TEC: variants seen among roughly 807,000 people sequenced by gnomAD.
TEC encodes tec protein tyrosine kinase.
In TEC, 72 loss-of-function variants were observed where a neutral mutation model predicts 93.0. That is an observed-to-expected ratio of 0.77 (90% CI 0.64 to 0.94). The LOEUF (loss-of-function observed/expected upper bound fraction) is 0.94. Among genes scored for constraint, TEC ranks in the 40% least tolerant of loss-of-function variants. The pLI is 0.00. For synonymous variants in TEC, 249 were observed against 247.7 expected, an observed-to-expected ratio of 1.01 and a Z score of -0.05; for missense variants, 630 against 757.9, an observed-to-expected ratio of 0.83 and a Z score of 1.98.
chr4:48,235,682 T>C (rs1377031593), intron 1 of TEC, among the ~76,000 whole-genome samples: 2 of 152,140 alleles, frequency 1.3e-5, no homozygotes, highest in East Asian at 3.9e-4. Context: ...ATCAGTGAAA[T>C]CCGGAGGAAT....
rs1404501778 is a variant in TEC, at chr4:48,149,538, G to A, written c.1006+19C>T. ...AATCACTACCTTATATTTGAAGTAG[G>A]TTTTCACAGCTCACTTACCTGCTGC... On this transcript the variant is annotated intron_variant, in intron 11 of 17. Coordinates refer to ENST00000381501, the MANE Select transcript of TEC (RefSeq NM_003215.3). 2.5e-6 allele frequency: 4 copies of A among 1,577,170 alleles called. No homozygotes were observed. The highest frequency in any genetic ancestry group is 3.9e-5 in the Admixed American group (2 of 51,794).
At chr4:48,260,555 G>A (rs1472816763) in intron 1 of TEC, among the ~76,000 whole-genome samples, 1 of 151,956 alleles carries the variant, frequency 6.6e-6, no homozygotes, top group Non-Finnish European at 1.5e-5. Context: ...AATCTATGGT[G>A]ATGGCACCAC....
Position 48,240,139 on chromosome 4 carries a change from G to A in TEC, c.-45-11480C>T, listed in dbSNP as rs201813266. On this transcript the variant is annotated intron_variant, in intron 1 of 17. Transcript: ENST00000381501. ...GGAAGAGTATAGACAAAATAAAATT[G>A]TTCATGAGTTGATAACTATTGAAGT... 2.6e-4 allele frequency among the ~76,000 whole-genome samples: 39 copies of A among 152,186 alleles called. No homozygotes were observed. The East Asian group carries it at 2.7e-3, about 11-fold the overall frequency.
At chr4:48,212,110 A>AAAAAAAAAAAAAAAAT in intron 2 of TEC, among the ~76,000 whole-genome samples, 29 of 122,248 alleles carry the variant, frequency 2.4e-4, no homozygotes, top group East Asian at 1.8e-3. Context: ...AAAAAAAAAA[A>AAAAAAAAAAAAAAAAT]ATATATATAT....
chr4:48,209,523 G>A (rs1325763770), intron 2 of TEC, among the ~76,000 whole-genome samples: 1 of 152,152 alleles, frequency 6.6e-6, no homozygotes, highest in Admixed American at 6.5e-5. Flanking sequence ...TGAGGTGGGA[G>A]GATGGCCTGA....
intron 7 of TEC, among the ~76,000 whole-genome samples, chr4:48,165,518 A>G (rs560391957): frequency 1.3e-5 from 2 of 152,336 alleles, no homozygotes; most frequent in South Asian, 2.1e-4. Context: ...GTAAATACCA[A>G]TGAAGAACTT....
At chr4:48,171,198 T>C (rs1272202028) in intron 4 of TEC, among the ~76,000 whole-genome samples, 170 bp downstream of exon 4, 1 of 152,250 alleles carries the variant, frequency 6.6e-6, no homozygotes, top group Non-Finnish European at 1.5e-5. Context: ...AGGAAAGTTA[T>C]CTTCAATATG....
intron 2 of TEC, among the ~76,000 whole-genome samples, chr4:48,183,501 G>A (rs1362353363): frequency 1.3e-5 from 2 of 152,198 alleles, no homozygotes; most frequent in South Asian, 2.1e-4. Context: ...ATCCGATGAG[G>A]GGGCAAATAG....
chr4:48,227,304 T>C (rs1256206581), intron 2 of TEC, among the ~76,000 whole-genome samples: 1 of 151,748 alleles, frequency 6.6e-6, no homozygotes. Flanking sequence ...AAAATACAAC[T>C]AAATCAACGT....
intron 1 of TEC, among the ~76,000 whole-genome samples, chr4:48,234,833 G>C (rs1481855586): frequency 1.3e-5 from 2 of 152,146 alleles, no homozygotes; most frequent in South Asian, 2.1e-4. Flanking sequence ...AAAGGTAGCA[G>C]AGGAGAAGAA....
chr4:48,180,288 C>G (rs2109563316), intron 2 of TEC, among the ~76,000 whole-genome samples: 1 of 152,284 alleles, frequency 6.6e-6, no homozygotes, highest in South Asian at 2.1e-4. Flanking sequence ...GTTGATCACT[C>G]ATTCTTTTAT....
chr4:48,138,295 T>G (rs1015771349), intron 17 of TEC, among the ~76,000 whole-genome samples: 1 of 152,182 alleles, frequency 6.6e-6, no homozygotes, highest in Non-Finnish European at 1.5e-5. Context: ...CCTCGGAAAG[T>G]TGAGGTTTAG....
intron 14 of TEC, among the ~76,000 whole-genome samples, chr4:48,141,911 C>T (rs558940871): frequency 1.3e-5 from 2 of 152,128 alleles, no homozygotes; most frequent in Non-Finnish European, 2.9e-5. Flanking sequence ...GCCTCGGCCT[C>T]CCCCATTGTT....
At chr4:48,160,943 G>T (rs942710015) in intron 8 of TEC, among the ~76,000 whole-genome samples, 1 of 151,510 alleles carries the variant, frequency 6.6e-6, no homozygotes, top group African/African-American at 2.4e-5. Context: ...TTTATTAGAG[G>T]CTAATACCTT....
At chr4:48,201,839 A>C (rs886641556) in intron 2 of TEC, among the ~76,000 whole-genome samples, 8 of 152,120 alleles carry the variant, frequency 5.3e-5, no homozygotes, top group African/African-American at 1.9e-4. Context: ...AGGAGAAATC[A>C]TTCCCTTTCT....
chr4:48,137,589 CAG>C (rs1316468091), intron 17 of TEC, 90 bp from the exon 18 acceptor site: 1 of 1,058,322 alleles, frequency 9.4e-7, no homozygotes, highest in South Asian at 1.3e-5. Context: ...CAGCATATTA[CAG>C]AGAGACTTCA....
intron 1 of TEC, among the ~76,000 whole-genome samples, chr4:48,254,214 T>A (rs1370617062): frequency 6.6e-6 from 1 of 152,184 alleles, no homozygotes; most frequent in Non-Finnish European, 1.5e-5. Flanking sequence ...GAGATGACCA[T>A]GAACCAGGTG....
chr4:48,161,323 G>A (rs1039736371), intron 8 of TEC, among the ~76,000 whole-genome samples: 7 of 149,816 alleles, frequency 4.7e-5, no homozygotes, highest in Admixed American at 2.6e-4. Context: ...TCCTAAGGGC[G>A]CTTTCATTTC....
At chr4:48,222,109 C>T (rs1433999448) in intron 2 of TEC, among the ~76,000 whole-genome samples, 2 of 152,124 alleles carry the variant, frequency 1.3e-5, no homozygotes, top group Non-Finnish European at 2.9e-5. Flanking sequence ...AAGTGTTCCC[C>T]AGGCACTCAA....
Sources: gnomAD v4.1 joint callset for allele counts (sites outside exome capture counted in the v4.1 genomes callset) on GRCh38, gnomAD v4.1.1 for gene constraint, MANE v1.5 for transcripts, NCBI Gene and HGNC (gene_info 2026-07-23, HGNC 2026-07-21) for gene names.